MYO3B: variants seen among roughly 807,000 people sequenced by gnomAD.
MYO3B encodes the protein myosin-IIIb.
Under a neutral mutation model 174.6 loss-of-function variants are expected in MYO3B, and 156 were observed. The ratio of observed to expected loss-of-function variants is 0.89; its 90% confidence interval spans 0.78 to 1.02. The LOEUF (loss-of-function observed/expected upper bound fraction) is 1.02, where lower values mean the gene tolerates loss of function less well. Ranked by LOEUF, MYO3B falls within the 50% of genes least tolerant of loss-of-function variation. The probability of loss-of-function intolerance (pLI) is 0.00; values close to 1 mark genes in which losing one functional copy is unlikely to be tolerated. For synonymous variants in MYO3B, 563 were observed against 569.1 expected (o/e 0.99, Z 0.15); for missense variants, 1,632 against 1,639.4 (o/e 1.00, Z 0.08).
intron 30 of MYO3B, chr2:170,524,451 T>C: frequency 2.4e-6 from 1 of 420,768 alleles, no homozygotes; most frequent in Non-Finnish European, 4.7e-6. Context: ...AGCATTTGGT[T>C]CATTAGCAAT....
At chr2:170,460,261 G>A (rs550208007) in intron 23 of MYO3B, among the ~76,000 whole-genome samples, 25 of 152,140 alleles carry the variant, frequency 1.6e-4, no homozygotes, top group South Asian at 8.3e-4. Flanking sequence ...AGGCCGAGGC[G>A]GGCGGATCTC....
intron 32 of MYO3B, among the ~76,000 whole-genome samples, chr2:170,588,156 G>T (rs143683526): frequency 1.4e-4 from 21 of 152,158 alleles, no homozygotes; most frequent in Non-Finnish European, 2.4e-4. Context: ...CACAAGACAG[G>T]CTTGGTGACT....
At position 170,241,047 on chromosome 2, in the gene MYO3B, C is replaced by T. The variant is rs531613764; in HGVS notation, c.749+4911C>T. ...ACCTTCCTTGCAAAGTTGTATCTCC[C>T]GTGTCAGGGCTATTTCTAGTATAGC... On this transcript the variant is annotated intron_variant, in intron 7 of 34. Coordinates refer to ENST00000408978, the MANE Select transcript of MYO3B (RefSeq NM_138995.5). 6.6e-5 allele frequency among the ~76,000 whole-genome samples: 10 copies of T among 152,258 alleles called. No individual in the cohort carries two copies. In the East Asian group the frequency reaches 1.2e-3, roughly 18 times the overall value.
intron 6 of MYO3B, among the ~76,000 whole-genome samples, chr2:170,220,153 G>A (rs148064332): frequency 8.5e-4 from 129 of 152,160 alleles, no homozygotes; most frequent in African/African-American, 2.9e-3. Context: ...AGCTACTCAG[G>A]AGGCTGAGCA....
At chr2:170,489,935 A>G (rs1040003925) in intron 25 of MYO3B, among the ~76,000 whole-genome samples, 1 of 151,860 alleles carries the variant, frequency 6.6e-6, no homozygotes, top group Non-Finnish European at 1.5e-5. Context: ...GTAGTTTTCA[A>G]TGTACAGGTT....
In MYO3B at chr2:170,499,734, A is replaced by G; in HGVS notation, c.3215A>G (p.Lys1072Arg). ...GTGGTTGTGCTGCAGGCATATACCA[A>G]GGGGTGGCTTGGAGCCAGGAGATAC... Reference protein sequence around the residue: ...GRVVVLQAYTKGWLGARRYKR... With the variant: ...GRVVVLQAYTRGWLGARRYKR... Residue 1072 changes from lysine (K) to arginine (R), a missense_variant, in exon 27 of 35, where the codon AAG becomes AGG. Coordinates refer to ENST00000408978, the MANE Select transcript of MYO3B (RefSeq NM_138995.5). 6.2e-7 allele frequency: 1 copy of G among 1,614,146 alleles called. No homozygotes were observed. Among genetic ancestry groups the G allele is most frequent in the South Asian group, 1.1e-5 (1 of 91,084 alleles).
intron 25 of MYO3B, among the ~76,000 whole-genome samples, chr2:170,469,001 A>C (rs1684809617): frequency 6.6e-6 from 1 of 152,082 alleles, no homozygotes; most frequent in Non-Finnish European, 1.5e-5. Flanking sequence ...CTAAAAATAC[A>C]AAAATTAGCT....
At position 170,548,106 on chromosome 2, in the gene MYO3B, C is replaced by CAAA. The variant is rs10532249; in HGVS notation, c.3733+4145_3733+4147dup. 8.7e-4 allele frequency among the ~76,000 whole-genome samples: 45 copies of CAAA among 51,716 alleles called. 3 individuals carry two copies. Among genetic ancestry groups the CAAA allele is most frequent in the African/African-American group, 3.4e-3 (34 of 10,142 alleles). The allele number at this position is 51,716 out of a possible 152,430, so 33.9% of individuals were successfully genotyped here. A position where few individuals can be genotyped will look rare whatever the true frequency, so the allele number is the denominator to read the frequency against. The stretch of plus-strand genomic sequence containing the variant: ...TGGGAAACAGAGCAAGACTCCGTCT[C>CAAA]AAAAAAAAAAAAAAAAAAAAAAAAA... On this transcript the variant is annotated intron_variant, in intron 32 of 34. Coordinates refer to ENST00000408978, the MANE Select transcript of MYO3B (RefSeq NM_138995.5).
At chr2:170,500,500 A>T (rs1385571267) in intron 27 of MYO3B, among the ~76,000 whole-genome samples, 1 of 152,210 alleles carries the variant, frequency 6.6e-6, no homozygotes, top group Non-Finnish European at 1.5e-5. Flanking sequence ...GAGAGTTCAG[A>T]GAAAGCCCTT....
chr2:170,533,656 C>T (rs560500510), intron 30 of MYO3B, among the ~76,000 whole-genome samples: 53 of 152,342 alleles, frequency 3.5e-4, no homozygotes, highest in African/African-American at 1.2e-3. Flanking sequence ...GATACCTCAT[C>T]ATTACTATTC....
chr2:170,391,754 C>T (rs2105767520), intron 15 of MYO3B, 136 bp downstream of exon 15: 1 of 588,116 alleles, frequency 1.7e-6, no homozygotes, highest in Non-Finnish European at 3.0e-6. Flanking sequence ...GGTGAGGTGG[C>T]AGGAAGTATC....
chr2:170,417,505 C>T (rs550825348), intron 22 of MYO3B, among the ~76,000 whole-genome samples: 1 of 152,314 alleles, frequency 6.6e-6, no homozygotes, highest in East Asian at 1.9e-4. Flanking sequence ...TATAATAGGG[C>T]TACCATGTCA....
At chr2:170,527,828 C>T (rs182637880) in intron 30 of MYO3B, among the ~76,000 whole-genome samples, 1 of 152,314 alleles carries the variant, frequency 6.6e-6, no homozygotes, top group East Asian at 1.9e-4. Flanking sequence ...AATGTTAGCT[C>T]TTATTACTGT....
chr2:170,227,434 G>A (rs910017789), intron 6 of MYO3B, among the ~76,000 whole-genome samples: 3 of 150,230 alleles, frequency 2.0e-5, no homozygotes, highest in Admixed American at 2.0e-4. Flanking sequence ...ATAGGCATGT[G>A]CCACCACGCC....
chr2:170,637,623 C>T (rs1697630809), intron 32 of MYO3B, among the ~76,000 whole-genome samples: 2 of 119,968 alleles, frequency 1.7e-5, no homozygotes, highest in South Asian at 2.7e-4. Flanking sequence ...GCATTATTTC[C>T]GTAACGGATT....
chr2:170,466,475 C>A, intron 24 of MYO3B, 31 bp from the exon 25 acceptor site: 1 of 1,607,806 alleles, frequency 6.2e-7, no homozygotes, highest in Non-Finnish European at 8.5e-7. Context: ...TGGTGGTAAC[C>A]TTGTTCCTTG....
intron 8 of MYO3B, 145 bp from the exon 9 acceptor site, chr2:170,369,077 T>C (rs1574861438): frequency 3.6e-6 from 2 of 562,794 alleles, no homozygotes; most frequent in East Asian, 5.9e-5. Flanking sequence ...TTCTGGTACA[T>C]ATTAATTAAA....
chr2:170,429,910 C>G (rs916712564), intron 22 of MYO3B, among the ~76,000 whole-genome samples: 2 of 152,238 alleles, frequency 1.3e-5, no homozygotes, highest in South Asian at 4.2e-4. Flanking sequence ...CCCCTTCCCC[C>G]CAAGAGCTTC....
At chr2:170,482,566 AC>A (rs1685768064) in intron 25 of MYO3B, among the ~76,000 whole-genome samples, 1 of 152,196 alleles carries the variant, frequency 6.6e-6, no homozygotes, top group South Asian at 2.1e-4. Flanking sequence ...GTTCAATTAA[AC>A]CTCTTTCTTT....
Sources: gnomAD v4.1 joint callset for allele counts (sites outside exome capture counted in the v4.1 genomes callset) on GRCh38, gnomAD v4.1.1 for gene constraint, MANE v1.5 for transcripts, NCBI Gene and HGNC (gene_info 2026-07-23, HGNC 2026-07-21) for gene names.